The following BNC2 variants were observed in gnomAD, a reference collection of about 807,000 sequenced individuals.
BNC2 encodes the protein zinc finger protein basonuclin-2.
A neutral mutation model predicts 76.3 loss-of-function variants in BNC2; 20 were observed. The observed-to-expected ratio is 0.26, with a 90% CI of 0.18 to 0.38. The LOEUF (loss-of-function observed/expected upper bound fraction) is 0.38. Among genes scored for constraint, BNC2 ranks in the 10% least tolerant of loss-of-function variants. The pLI is 1.00. For synonymous variants in BNC2, 582 were observed against 514.8 expected, an observed-to-expected ratio of 1.13 and a Z score of -1.77; for missense variants, 1,382 against 1,399.8, an observed-to-expected ratio of 0.99 and a Z score of 0.20.
intron 5 of BNC2, among the ~76,000 whole-genome samples, chr9:16,525,721 A>AT (rs1174870291): frequency 6.6e-6 from 1 of 152,202 alleles, no homozygotes; most frequent in Non-Finnish European, 1.5e-5. Context: ...TACAAGATAT[A>AT]TTATTAAGTG....
At chr9:16,679,328 C>T (rs10810588) in intron 3 of BNC2, among the ~76,000 whole-genome samples, 36,005 of 152,076 alleles carry the variant, frequency 0.24, 7,372 homozygotes, top group African/African-American at 0.54. Context: ...ACTTTTGATA[C>T]AGTGATCCTA....
chr9:16,700,906 G>A (rs1159598405), intron 3 of BNC2, among the ~76,000 whole-genome samples: 2 of 152,114 alleles, frequency 1.3e-5, no homozygotes, highest in Non-Finnish European at 2.9e-5. Flanking sequence ...TCGGGCCCCT[G>A]CACTCTAGCC....
At chr9:16,707,091 A>G (rs1046914242) in intron 3 of BNC2, among the ~76,000 whole-genome samples, 17 of 152,094 alleles carry the variant, frequency 1.1e-4, no homozygotes, top group Admixed American at 6.5e-4. Flanking sequence ...AGTCCCAGCT[A>G]ATCGGGAGGC....
intron 5 of BNC2, among the ~76,000 whole-genome samples, chr9:16,539,676 GAGGA>G (rs560292414): frequency 0.034 from 1,893 of 55,874 alleles, 74 homozygotes; most frequent in Non-Finnish European, 0.058. Flanking sequence ...GGGAGGGAGG[GAGGA>G]AGGAAGGAAG....
intron 4 of BNC2, among the ~76,000 whole-genome samples, chr9:16,574,397 G>A (rs1819425150): frequency 6.6e-6 from 1 of 152,086 alleles, no homozygotes; most frequent in Non-Finnish European, 1.5e-5. Context: ...TTTTTAGCAG[G>A]TAAATATTAC....
chr9:16,792,777 T>G (rs558152696), intron 1 of BNC2, among the ~76,000 whole-genome samples: 1 of 152,348 alleles, frequency 6.6e-6, no homozygotes, highest in South Asian at 2.1e-4. Context: ...ACAAACTTCA[T>G]TGACATTTTC....
intron 5 of BNC2, among the ~76,000 whole-genome samples, chr9:16,509,558 T>C (rs746850746): frequency 1.5e-4 from 23 of 152,164 alleles, no homozygotes; most frequent in Non-Finnish European, 5.9e-5. Context: ...TCCATCCCAG[T>C]TACAGAAAAC....
At chr9:16,472,011 C>G (rs1385791183) in intron 5 of BNC2, among the ~76,000 whole-genome samples, 1 of 152,308 alleles carries the variant, frequency 6.6e-6, no homozygotes, top group South Asian at 2.1e-4. Flanking sequence ...GTGCCTTTCA[C>G]CTTCCACCAT....
At chr9:16,478,908 C>A (rs1285013758) in intron 5 of BNC2, among the ~76,000 whole-genome samples, 6 of 152,134 alleles carry the variant, frequency 3.9e-5, no homozygotes, top group Non-Finnish European at 8.8e-5. Context: ...GACCAATAAG[C>A]AAATGGGACT....
intron 1 of BNC2, among the ~76,000 whole-genome samples, chr9:16,766,142 G>A (rs1027000523): frequency 3.9e-4 from 60 of 152,130 alleles, no homozygotes; most frequent in African/African-American, 1.3e-3. Flanking sequence ...AGATGTAAAC[G>A]ATATCACTTT....
At chr9:16,521,326 T>G (rs1460468317) in intron 5 of BNC2, among the ~76,000 whole-genome samples, 2 of 152,152 alleles carry the variant, frequency 1.3e-5, no homozygotes, top group Non-Finnish European at 2.9e-5. Flanking sequence ...CCAACTGAAA[T>G]CTTAAGTTAA....
At chr9:16,845,664 T>C (rs993190680) in intron 1 of BNC2, among the ~76,000 whole-genome samples, 12 of 151,718 alleles carry the variant, frequency 7.9e-5, no homozygotes, top group Admixed American at 2.6e-4. Context: ...GAGCTTGCAG[T>C]GAGCCGAGAT....
At chr9:16,459,060 T>C (rs940622773) in intron 5 of BNC2, among the ~76,000 whole-genome samples, 2 of 152,206 alleles carry the variant, frequency 1.3e-5, no homozygotes, top group Non-Finnish European at 2.9e-5. Flanking sequence ...ATAACACCAT[T>C]AATCAAGAAG....
At chr9:16,597,231 A>G (rs536588996) in intron 3 of BNC2, among the ~76,000 whole-genome samples, 1 of 152,272 alleles carries the variant, frequency 6.6e-6, no homozygotes, top group Non-Finnish European at 1.5e-5. Context: ...GTAACTGCTT[A>G]TTTTTAAAAA....
intron 5 of BNC2, among the ~76,000 whole-genome samples, chr9:16,451,337 T>C (rs545287556): frequency 2.0e-5 from 3 of 152,236 alleles, no homozygotes; most frequent in South Asian, 4.1e-4. Context: ...ATTAAAAAAA[T>C]AGCAGGATTT....
chr9:16,531,255 ACT>A (rs1197375002), intron 5 of BNC2, among the ~76,000 whole-genome samples: 1 of 151,486 alleles, frequency 6.6e-6, no homozygotes, highest in Admixed American at 6.6e-5. Context: ...TAAACCAAAC[ACT>A]CTCTGTGAGT....
chr9:16,462,056 A>T (rs1467344087), intron 5 of BNC2, among the ~76,000 whole-genome samples: 1 of 152,172 alleles, frequency 6.6e-6, no homozygotes, highest in African/African-American at 2.4e-5. Context: ...GCCTTTCATC[A>T]CATGCAGTTC....
chr9:16,649,164 G>A (rs957269847), intron 3 of BNC2, among the ~76,000 whole-genome samples: 1 of 152,142 alleles, frequency 6.6e-6, no homozygotes, highest in Non-Finnish European at 1.5e-5. Flanking sequence ...GACTAACACA[G>A]AATTTCCAAA....
chr9:16,744,046 A>C (rs1239647863), intron 1 of BNC2, among the ~76,000 whole-genome samples: 1 of 152,172 alleles, frequency 6.6e-6, no homozygotes, highest in Non-Finnish European at 1.5e-5. Flanking sequence ...TGCTCACTGC[A>C]AGCTCCGCCT....
Sources: allele counts gnomAD v4.1 joint callset (sites outside exome capture counted in the v4.1 genomes callset), GRCh38; gene constraint gnomAD v4.1.1; transcripts MANE v1.5; gene names NCBI Gene and HGNC (gene_info 2026-07-23, HGNC 2026-07-21).